The following PDE4D variants were observed in gnomAD, a reference collection of about 807,000 sequenced individuals.
PDE4D encodes phosphodiesterase 4D, also known as 3',5'-cyclic-AMP phosphodiesterase 4D.
Under a neutral mutation model 87.4 loss-of-function variants are expected in PDE4D, and 24 were observed. The ratio of observed to expected loss-of-function variants is 0.27; its 90% CI spans 0.20 to 0.39. The LOEUF is 0.39. Ranked by LOEUF, PDE4D falls within the 10% of genes least tolerant of loss-of-function variation. The pLI, the probability that PDE4D is intolerant of heterozygous loss-of-function variation, is 1.00. For synonymous variants in PDE4D, 384 were observed against 383.2 expected (o/e 1.00, Z -0.02); for missense variants, 714 against 1,041.0 (o/e 0.69, Z 4.32).
chr5:60,283,732 A>G (rs1267327073), intron 1 of PDE4D, among the ~76,000 whole-genome samples: 3 of 152,152 alleles, frequency 2.0e-5, no homozygotes, highest in Non-Finnish European at 4.4e-5. Context: ...TGATTGTTCT[A>G]TATCACAGCA....
At chr5:60,517,229 G>A (rs1750840469) in intron 1 of PDE4D, among the ~76,000 whole-genome samples, 1 of 152,246 alleles carries the variant, frequency 6.6e-6, no homozygotes, top group Non-Finnish European at 1.5e-5. Flanking sequence ...AGCATGGGAG[G>A]GGGGCCAAGG....
At chr5:59,501,612 G>GA (rs998061519) in intron 1 of PDE4D, among the ~76,000 whole-genome samples, 2 of 152,168 alleles carry the variant, frequency 1.3e-5, no homozygotes, top group East Asian at 1.9e-4. Context: ...TTTCCAGACA[G>GA]AAAAAACCCA....
chr5:59,410,472 C>T (rs1193157684), intron 1 of PDE4D, among the ~76,000 whole-genome samples: 3 of 152,156 alleles, frequency 2.0e-5, no homozygotes, highest in Non-Finnish European at 4.4e-5. Flanking sequence ...GTCTTGAACT[C>T]CTGGCCTCAA....
At chr5:59,681,175 TA>T (rs1402869686) in intron 1 of PDE4D, among the ~76,000 whole-genome samples, 2 of 151,920 alleles carry the variant, frequency 1.3e-5, no homozygotes, top group East Asian at 3.9e-4. Flanking sequence ...AACCAAAAAG[TA>T]AAAAAGTACT....
At chr5:59,940,124 C>T (rs768454378) in intron 3 of PDE4D, among the ~76,000 whole-genome samples, 12 of 152,066 alleles carry the variant, frequency 7.9e-5, no homozygotes, top group African/African-American at 1.2e-4. Context: ...AGAGAACCCC[C>T]GCACTTGGAG....
chr5:60,436,757 CA>C (rs1034159002), intron 1 of PDE4D, among the ~76,000 whole-genome samples: 1 of 152,046 alleles, frequency 6.6e-6, no homozygotes, highest in African/African-American at 2.4e-5. Flanking sequence ...ACACTACCCA[CA>C]GAACTTATGC....
intron 1 of PDE4D, among the ~76,000 whole-genome samples, chr5:59,804,823 G>T (rs1052902070): frequency 2.0e-5 from 3 of 151,778 alleles, no homozygotes; most frequent in Admixed American, 1.3e-4. Flanking sequence ...ACAAAATCTC[G>T]CTCTGTCACC....
chr5:60,037,210 C>T (rs1473590608), intron 2 of PDE4D, among the ~76,000 whole-genome samples: 2 of 152,050 alleles, frequency 1.3e-5, no homozygotes, highest in African/African-American at 2.4e-5. Flanking sequence ...AAGTTTGGGG[C>T]ATTAGGGAAT....
intron 2 of PDE4D, among the ~76,000 whole-genome samples, chr5:60,178,791 C>G (rs1057087787): frequency 3.9e-5 from 6 of 152,050 alleles, no homozygotes; most frequent in African/African-American, 1.4e-4. Context: ...ATACATTTAT[C>G]TAAAAGCCAA....
intron 3 of PDE4D, among the ~76,000 whole-genome samples, chr5:59,985,155 T>TTTTTTTTTTTTC (rs1175344293): frequency 7.0e-6 from 1 of 142,404 alleles, no homozygotes; most frequent in Non-Finnish European, 1.6e-5. Context: ...GTTTTTTATT[T>TTTTTTTTTTTTC]TGAGACAGAG....
At chr5:59,348,688 T>C (rs963893619) in intron 1 of PDE4D, among the ~76,000 whole-genome samples, 2 of 151,566 alleles carry the variant, frequency 1.3e-5, no homozygotes, top group East Asian at 3.9e-4. Flanking sequence ...TTGCATTTGA[T>C]TGGCTTAACA....
In PDE4D at chr5:58,989,835, C is replaced by G. The variant is rs992592300; in HGVS notation, c.1372G>C (p.Asp458His). ...LMTLEDHYHA[D>H]VAYHNNIHAA... ...TGGATATTGTTGTGATAGGCCACAT[C>G]AGCATGGTAATGGTCTTCGAGAGTC... The change falls in exon 10 of 15, where the codon GAT (aspartate) becomes CAT (histidine). Residue 458 changes from aspartate to histidine, a missense_variant. Asp to His is a moderately conservative substitution (Grantham distance 81). Transcript: ENST00000340635. The G allele has an allele frequency of 9.4e-6, 15 of 1,602,042 alleles. No homozygotes were observed. The highest frequency in any genetic ancestry group is 1.3e-5 in the Non-Finnish European group (15 of 1,169,306).
At position 60,354,449 on chromosome 5, in the gene PDE4D, T is replaced by C. The variant is rs78260243; in HGVS notation, c.-90+133493A>G. On this transcript the variant is annotated intron_variant, in intron 1 of 16. Coordinates refer to the PDE4D transcript ENST00000502484. ...TAGTAAAGTTTGGCTCAAAGCAGTCTCCATACATAGCAAGCTGTAATCTAG... is the reference window on the plus strand; with the variant it reads ...TAGTAAAGTTTGGCTCAAAGCAGTCCCCATACATAGCAAGCTGTAATCTAG... 0.012 allele frequency among the ~76,000 whole-genome samples: 1,822 copies of C among 152,290 alleles called. 60 individuals carry two copies. In the East Asian group the frequency reaches 0.13, roughly 11 times the overall value.
chr5:59,566,583 T>TGTGTGTGAGAGA (rs1554029771), intron 1 of PDE4D, among the ~76,000 whole-genome samples: 2 of 146,864 alleles, frequency 1.4e-5, no homozygotes, highest in South Asian at 4.3e-4. Context: ...TGTGTGTGTG[T>TGTGTGTGAGAGA]GAGAGAATGA....
intron 1 of PDE4D, among the ~76,000 whole-genome samples, chr5:60,417,886 G>A (rs1742746953): frequency 6.8e-6 from 1 of 147,786 alleles, no homozygotes; most frequent in Non-Finnish European, 1.5e-5. Context: ...TAAAGGGAAT[G>A]CAAGAGAGAG....
chr5:59,944,197 A>AGGTAC (rs1215961801), intron 3 of PDE4D, among the ~76,000 whole-genome samples: 9 of 152,354 alleles, frequency 5.9e-5, no homozygotes, highest in African/African-American at 2.2e-4. Flanking sequence ...TTGTTGCTTT[A>AGGTAC]ACAGATTCTG....
intron 1 of PDE4D, among the ~76,000 whole-genome samples, chr5:59,690,122 C>A (rs1750651189): frequency 6.6e-6 from 1 of 152,116 alleles, no homozygotes; most frequent in Admixed American, 6.5e-5. Flanking sequence ...GAATCAATAT[C>A]ATGAAAATGG....
At chr5:59,637,602 G>A (rs188905939) in intron 1 of PDE4D, among the ~76,000 whole-genome samples, 10 of 152,092 alleles carry the variant, frequency 6.6e-5, no homozygotes, top group Non-Finnish European at 1.5e-4. Flanking sequence ...TCCTTTGCAG[G>A]GACTTGGATG....
rs553981339 is a variant in PDE4D, at chr5:60,421,216, G to A, written c.-90+66726C>T. ...AGCATGGCGTTTGAGCTTTGAGAAC[G>A]GACAGACTGCCTCCTCAAGTGGGTC... On this transcript the variant is annotated intron_variant, in intron 1 of 16. Coordinates refer to the PDE4D transcript ENST00000502484. Among the ~76,000 whole-genome samples the A allele has an allele frequency of 7.2e-5, 11 of 152,330 alleles. No individual in the cohort carries two copies. The South Asian group carries it at 1.0e-3, about 14-fold the overall frequency.
Sources: allele counts gnomAD v4.1 joint callset (sites outside exome capture counted in the v4.1 genomes callset), GRCh38; gene constraint gnomAD v4.1.1; transcripts MANE v1.5; gene names NCBI Gene and HGNC (gene_info 2026-07-23, HGNC 2026-07-21).